Variants in HS6ST3 observed in about 807,000 individuals in gnomAD.
The protein encoded by HS6ST3 is heparan-sulfate 6-O-sulfotransferase 3.
Under a neutral mutation model 36.7 loss-of-function variants are expected in HS6ST3, and 12 were observed. The observed-to-expected ratio is 0.33, with a 90% CI of 0.21 to 0.53. The LOEUF (loss-of-function observed/expected upper bound fraction) is 0.53. Ranked by LOEUF, HS6ST3 falls within the 20% of genes least tolerant of loss-of-function variation. The pLI is 0.95. For synonymous variants in HS6ST3, 240 were observed against 257.5 expected (o/e 0.93, Z 0.65); for missense variants, 584 against 640.9 (o/e 0.91, Z 0.96).
At chr13:96,578,562 T>C (rs1345701563) in intron 1 of HS6ST3, among the ~76,000 whole-genome samples, 1 of 152,030 alleles carries the variant, frequency 6.6e-6, no homozygotes, top group Non-Finnish European at 1.5e-5. Flanking sequence ...TATTTACTTA[T>C]TTATTTATTT....
At chr13:96,157,989 C>T (rs2054118118) in intron 1 of HS6ST3, among the ~76,000 whole-genome samples, 1 of 152,032 alleles carries the variant, frequency 6.6e-6, no homozygotes, top group Non-Finnish European at 1.5e-5. Flanking sequence ...ACCGTGGGTG[C>T]CGGGATGGTA....
chr13:96,537,090 T>C (rs2056158527), intron 1 of HS6ST3, among the ~76,000 whole-genome samples: 1 of 152,156 alleles, frequency 6.6e-6, no homozygotes, highest in African/African-American at 2.4e-5. Flanking sequence ...ATACCCAAGA[T>C]TGGGTAATTT....
intron 1 of HS6ST3, among the ~76,000 whole-genome samples, chr13:96,431,607 T>C (rs2055616027): frequency 6.6e-6 from 1 of 152,236 alleles, no homozygotes; most frequent in Admixed American, 6.5e-5. Context: ...ACAGTCCAGA[T>C]TGGGCTCTGT....
intron 1 of HS6ST3, among the ~76,000 whole-genome samples, chr13:96,491,620 T>A (rs1316427570): frequency 6.6e-6 from 1 of 152,102 alleles, no homozygotes; most frequent in African/African-American, 2.4e-5. Flanking sequence ...CCCACCTGCA[T>A]TCCCAACTTG....
intron 1 of HS6ST3, among the ~76,000 whole-genome samples, chr13:96,816,187 G>A (rs1038424538): frequency 6.6e-6 from 1 of 152,196 alleles, no homozygotes. Flanking sequence ...CAATGGAAGG[G>A]TTCAATGGAA....
At chr13:96,127,755 C>T (rs115745192) in intron 1 of HS6ST3, among the ~76,000 whole-genome samples, 3,060 of 152,276 alleles carry the variant, frequency 0.02, 86 homozygotes, top group African/African-American at 0.068. Context: ...ATTCTAGGTA[C>T]GGTACTTGCA....
chr13:96,828,871 T>C (rs1878706868), intron 1 of HS6ST3, among the ~76,000 whole-genome samples: 1 of 152,226 alleles, frequency 6.6e-6, no homozygotes, highest in Non-Finnish European at 1.5e-5. Flanking sequence ...AGTATTTTTT[T>C]CTAAATGGTA....
intron 1 of HS6ST3, among the ~76,000 whole-genome samples, chr13:96,301,863 T>C (rs2054884167): frequency 6.7e-6 from 1 of 149,130 alleles, no homozygotes; most frequent in African/African-American, 2.5e-5. Context: ...ATTGCACCAC[T>C]GCATTCCAGC....
intron 1 of HS6ST3, among the ~76,000 whole-genome samples, chr13:96,768,048 A>G (rs894630351): frequency 6.6e-6 from 1 of 152,196 alleles, no homozygotes; most frequent in Non-Finnish European, 1.5e-5. Flanking sequence ...CCCTAAGGTC[A>G]TACCACCTTG....
chr13:96,544,689 G>T (rs927829104), intron 1 of HS6ST3, among the ~76,000 whole-genome samples: 1 of 152,038 alleles, frequency 6.6e-6, no homozygotes, highest in Non-Finnish European at 1.5e-5. Flanking sequence ...ATTTTTCAGC[G>T]TTGACCCTCT....
At chr13:96,588,840 A>G (rs2056371872) in intron 1 of HS6ST3, among the ~76,000 whole-genome samples, 12 of 151,944 alleles carry the variant, frequency 7.9e-5, no homozygotes, top group Admixed American at 7.2e-4. Context: ...GCTTGATCCC[A>G]GGAATTCGAG....
chr13:96,820,024 C>T (rs574032884), intron 1 of HS6ST3, among the ~76,000 whole-genome samples: 15 of 151,860 alleles, frequency 9.9e-5, no homozygotes, highest in African/African-American at 3.4e-4. Context: ...TGCTGTGAGC[C>T]GAGATCGTGC....
intron 1 of HS6ST3, among the ~76,000 whole-genome samples, chr13:96,466,369 A>G (rs2055813710): frequency 6.6e-6 from 1 of 152,180 alleles, no homozygotes; most frequent in South Asian, 2.1e-4. Flanking sequence ...TGTAGATTAG[A>G]TCTGTAGAAC....
At chr13:96,410,345 A>G (rs568392279) in intron 1 of HS6ST3, among the ~76,000 whole-genome samples, 1 of 152,330 alleles carries the variant, frequency 6.6e-6, no homozygotes, top group East Asian at 1.9e-4. Flanking sequence ...GGCAGAGGAA[A>G]TGAACAAGCA....
At chr13:96,379,011 G>A (rs1388994638) in intron 1 of HS6ST3, among the ~76,000 whole-genome samples, 2 of 152,040 alleles carry the variant, frequency 1.3e-5, no homozygotes, top group East Asian at 3.9e-4. Flanking sequence ...AAATCACTAA[G>A]TCTTATTGAT....
chr13:96,298,684 A>T (rs548365708), intron 1 of HS6ST3, among the ~76,000 whole-genome samples: 3 of 152,188 alleles, frequency 2.0e-5, no homozygotes, highest in African/African-American at 7.2e-5. Context: ...ACTGAACTCC[A>T]TTTCAGCTTT....
chr13:96,634,896 T>A (rs535975), intron 1 of HS6ST3, among the ~76,000 whole-genome samples: 1 of 151,894 alleles, frequency 6.6e-6, no homozygotes, highest in Admixed American at 6.6e-5. Flanking sequence ...TCATTAGGTT[T>A]AATCTTAATC....
At chr13:96,824,492 A>G (rs780608856) in intron 1 of HS6ST3, among the ~76,000 whole-genome samples, 1 of 152,184 alleles carries the variant, frequency 6.6e-6, no homozygotes, top group Non-Finnish European at 1.5e-5. Flanking sequence ...GCCTTTTCGT[A>G]GCTGTGTCAA....
Position 96,731,435 on chromosome 13 carries a change from T to C in HS6ST3, c.708-101055T>C, listed in dbSNP as rs1876150967. Among the ~76,000 whole-genome samples, 5 of 152,230 alleles carry C rather than the reference T, an allele frequency of 3.3e-5. No individual in the cohort carries two copies. In the South Asian group the frequency reaches 1.0e-3, roughly 32 times the overall value. ...AAATGACGGGATTTCCTTCTTTTTA[T>C]GGCTGTATAGTATCCCATTGTGTAT... is the stretch of plus-strand genomic sequence containing the variant. On this transcript the variant is annotated intron_variant, in intron 1 of 1. Transcript: ENST00000376705.
Sources: gnomAD v4.1 joint callset for allele counts (sites outside exome capture counted in the v4.1 genomes callset) on GRCh38, gnomAD v4.1.1 for gene constraint, MANE v1.5 for transcripts, NCBI Gene and HGNC (gene_info 2026-07-23, HGNC 2026-07-21) for gene names.